Variants in RNLS observed in about 807,000 individuals in gnomAD.
RNLS encodes the protein renalase.
In RNLS, 39 loss-of-function variants were observed where a neutral mutation model predicts 39.8. The ratio of observed to expected loss-of-function variants is 0.98; its 90% confidence interval spans 0.76 to 1.28. The LOEUF is 1.28. Ranked by LOEUF, RNLS falls within the 50% of genes most tolerant of loss-of-function variation. The probability of loss-of-function intolerance (pLI) is 0.00; values close to 1 mark genes in which losing one functional copy is unlikely to be tolerated. For synonymous variants in RNLS, 147 were observed against 150.7 expected (o/e 0.98, Z 0.18); for missense variants, 410 against 413.3 (o/e 0.99, Z 0.07).
intron 6 of RNLS, among the ~76,000 whole-genome samples, chr10:88,306,550 C>T (rs567528169): frequency 1.9e-4 from 29 of 152,260 alleles, no homozygotes; most frequent in African/African-American, 6.3e-4. Context: ...ATTATGAACA[C>T]CTCTATGATT....
intron 4 of RNLS, among the ~76,000 whole-genome samples, chr10:88,365,779 G>A (rs1200373261): frequency 4.0e-5 from 6 of 151,880 alleles, no homozygotes; most frequent in Admixed American, 6.6e-5. Context: ...AGAGCAGAGG[G>A]AGAAAAAGAG....
intron 4 of RNLS, among the ~76,000 whole-genome samples, chr10:88,430,557 A>G (rs1014411499): frequency 1.3e-5 from 2 of 151,802 alleles, no homozygotes; most frequent in African/African-American, 4.8e-5. Context: ...AGCCATCCTT[A>G]TCTTGTACTC....
intron 4 of RNLS, among the ~76,000 whole-genome samples, chr10:88,470,969 G>A (rs990038358): frequency 4.6e-5 from 7 of 152,038 alleles, no homozygotes; most frequent in East Asian, 3.9e-4. Flanking sequence ...CCATGCCAGC[G>A]TATAGAGTTC....
intron 4 of RNLS, among the ~76,000 whole-genome samples, chr10:88,399,037 G>A (rs1194309956): frequency 6.6e-6 from 1 of 151,844 alleles, no homozygotes; most frequent in African/African-American, 2.4e-5. Flanking sequence ...ATGAAAAGAT[G>A]CTTAACATCA....
At chr10:88,563,391 A>G (rs1849302042) in intron 4 of RNLS, among the ~76,000 whole-genome samples, 1 of 152,188 alleles carries the variant, frequency 6.6e-6, no homozygotes, top group Non-Finnish European at 1.5e-5. Context: ...TAAATCTCCT[A>G]AATGCCCATC....
chr10:88,190,494 G>C, the RNLS span, among the ~76,000 whole-genome samples: 1 of 152,202 alleles, frequency 6.6e-6, no homozygotes, highest in Admixed American at 6.5e-5. Flanking sequence ...GGGACATGAA[G>C]GGTAGATTAA....
chr10:88,352,659 C>G (rs1428418082), intron 5 of RNLS, among the ~76,000 whole-genome samples: 1 of 152,104 alleles, frequency 6.6e-6, no homozygotes, highest in Non-Finnish European at 1.5e-5. Context: ...GCCTAAGGTT[C>G]TCTTTTTTTG....
intron 4 of RNLS, among the ~76,000 whole-genome samples, chr10:88,470,661 G>T (rs1012176008): frequency 6.7e-6 from 1 of 148,362 alleles, no homozygotes; most frequent in Non-Finnish European, 1.5e-5. Context: ...TGTTGCCCAG[G>T]CTGGAGTGCT....
At chr10:88,478,011 C>T (rs1288580623) in intron 4 of RNLS, among the ~76,000 whole-genome samples, 1 of 152,262 alleles carries the variant, frequency 6.6e-6, no homozygotes, top group East Asian at 1.9e-4. Context: ...TAACATTTAT[C>T]CTGGATAGAT....
At chr10:88,196,288 A>T in the RNLS span, among the ~76,000 whole-genome samples, 1 of 152,232 alleles carries the variant, frequency 6.6e-6, no homozygotes, top group Non-Finnish European at 1.5e-5. Flanking sequence ...GTGGTGTTTT[A>T]TTCATAGGCA....
At chr10:88,217,033 G>A in the RNLS span, among the ~76,000 whole-genome samples, 1 of 152,164 alleles carries the variant, frequency 6.6e-6, no homozygotes, top group Non-Finnish European at 1.5e-5. Context: ...GCTCAATTAG[G>A]GGGTGAGGGG....
rs56337532 is a variant in RNLS at position 88,340,246 on chromosome 10, T to G, written c.700+22306A>C. Among the ~76,000 whole-genome samples, 207 of 152,364 alleles carry G rather than the reference T, an allele frequency of 1.4e-3. 1 individual carries two copies. The highest frequency in any genetic ancestry group is 4.7e-3 in the African/African-American group (197 of 41,584). The stretch of plus-strand genomic sequence containing the variant: ...TGCTGCAGGGTGCCTTAGGAAGTTC[T>G]GAACCAGAGAAGTTTTCCACTTGGC... On this transcript the variant is annotated intron_variant, in intron 5 of 6. Transcript: ENST00000331772.
chr10:88,560,902 A>G (rs1045166903), intron 4 of RNLS, among the ~76,000 whole-genome samples: 3 of 151,276 alleles, frequency 2.0e-5, no homozygotes, highest in East Asian at 3.9e-4. Context: ...GAGGCAATCA[A>G]TGGTTCTGTA....
intron 4 of RNLS, among the ~76,000 whole-genome samples, chr10:88,548,647 C>CATATAT (rs146359996): frequency 2.5e-3 from 361 of 144,676 alleles, no homozygotes; most frequent in Non-Finnish European, 3.1e-3. Flanking sequence ...TCAAAATATA[C>CATATAT]ATATATATAT....
chr10:88,291,839 A>G (rs1305510477), intron 6 of RNLS, among the ~76,000 whole-genome samples: 1 of 152,024 alleles, frequency 6.6e-6, no homozygotes, highest in Non-Finnish European at 1.5e-5. Flanking sequence ...ACCCAATTAC[A>G]ATTCCTTCTA....
At chr10:88,435,857 G>A (rs879936097) in intron 4 of RNLS, among the ~76,000 whole-genome samples, 1 of 152,074 alleles carries the variant, frequency 6.6e-6, no homozygotes, top group Non-Finnish European at 1.5e-5. Context: ...TATCCATGTT[G>A]TTGTTACAGT....
chr10:88,261,576 T>C, the RNLS span, among the ~76,000 whole-genome samples: 1 of 152,234 alleles, frequency 6.6e-6, no homozygotes, highest in African/African-American at 2.4e-5. Flanking sequence ...TTAAATTTCA[T>C]CCATCAAAGC....
At chr10:88,559,102 C>A (rs979166699) in intron 4 of RNLS, among the ~76,000 whole-genome samples, 1 of 152,130 alleles carries the variant, frequency 6.6e-6, no homozygotes, top group Non-Finnish European at 1.5e-5. Context: ...ATTTCGTTCT[C>A]ATTTTTCCAT....
intron 4 of RNLS, among the ~76,000 whole-genome samples, chr10:88,424,733 G>A (rs1166172773): frequency 6.6e-6 from 1 of 152,024 alleles, no homozygotes; most frequent in Non-Finnish European, 1.5e-5. Context: ...GTAAATACAC[G>A]ATGACTAGAT....
Sources: allele counts gnomAD v4.1 joint callset (sites outside exome capture counted in the v4.1 genomes callset), GRCh38; gene constraint gnomAD v4.1.1; transcripts MANE v1.5; gene names NCBI Gene and HGNC (gene_info 2026-07-23, HGNC 2026-07-21).